Variants in HMOX2 observed in about 807,000 individuals in gnomAD.
HMOX2 encodes heme oxygenase 2.
In HMOX2, 30 loss-of-function variants were observed where a neutral mutation model predicts 33.7. The ratio of observed to expected loss-of-function variants is 0.89; its 90% CI spans 0.67 to 1.21. The LOEUF (loss-of-function observed/expected upper bound fraction) is 1.21. HMOX2 is among the 50% of genes most tolerant of loss of function. The pLI is 0.00. For synonymous variants in HMOX2, 155 were observed against 155.0 expected, an observed-to-expected ratio of 1.00 and a Z score of 0.00; for missense variants, 403 against 399.1, an observed-to-expected ratio of 1.01 and a Z score of -0.08.
At chr16:4,507,660 G>A (rs2058727180) in intron 3 of HMOX2, 53 bp from the exon 4 acceptor site, 1 of 1,576,190 alleles carries the variant, frequency 6.3e-7, no homozygotes, top group Non-Finnish European at 8.6e-7. Flanking sequence ...GCATCCAGCT[G>A]CTCGGATGTG....
intron 1 of HMOX2, among the ~76,000 whole-genome samples, chr16:4,485,264 C>A (rs918989266): frequency 6.6e-6 from 1 of 152,122 alleles, no homozygotes; most frequent in East Asian, 1.9e-4. Context: ...CCATGTCAGG[C>A]CTTTTTCTGA....
intron 1 of HMOX2, among the ~76,000 whole-genome samples, chr16:4,483,163 GTGTGTGTGTGTGTGTGTGTGT>G (rs1295462272): frequency 0.028 from 7 of 246 alleles, no homozygotes; most frequent in African/African-American, 0.073. Context: ...AAACCCTGGT[GTGTGTGTGTGTGTGTGTGTGT>G]GTGTGTGTGT....
chr16:4,506,112 T>C (rs949370736), intron 2 of HMOX2, among the ~76,000 whole-genome samples: 5 of 152,104 alleles, frequency 3.3e-5, no homozygotes, highest in African/African-American at 1.2e-4. Context: ...TAATAATAAA[T>C]TGATTCTCAG....
chr16:4,501,833 G>T (rs183465798), intron 1 of HMOX2, among the ~76,000 whole-genome samples: 7 of 152,262 alleles, frequency 4.6e-5, no homozygotes, highest in Admixed American at 2.0e-4. Flanking sequence ...TTGGACAGTG[G>T]CTAGGCCACA....
chr16:4,478,110 C>A (rs1206347375), intron 1 of HMOX2, among the ~76,000 whole-genome samples: 1 of 152,134 alleles, frequency 6.6e-6, no homozygotes, highest in Non-Finnish European at 1.5e-5. Context: ...CCTCATCTAC[C>A]TGGGGATGTG....
intron 1 of HMOX2, among the ~76,000 whole-genome samples, chr16:4,504,255 G>T (rs1419539953): frequency 6.6e-6 from 1 of 152,136 alleles, no homozygotes. Flanking sequence ...GGATGAACTG[G>T]CCTCAGCACG....
chr16:4,509,296 T>TTCATAACACTGCAC, intron 4 of HMOX2, 116 bp from the exon 5 acceptor site: 1 of 1,343,830 alleles, frequency 7.4e-7, no homozygotes, highest in Admixed American at 2.2e-5. Flanking sequence ...GTTAGCCATG[T>TTCATAACACTGCAC]TCATAACACT....
Position 4,509,962 on chromosome 16 carries a change from C to G in HMOX2, c.*206C>G, listed in dbSNP as rs562251118. On this transcript the variant is annotated 3_prime_UTR_variant, in exon 6 of 6. Coordinates refer to ENST00000570646, the MANE Select transcript of HMOX2 (RefSeq NM_002134.4). The stretch of plus-strand genomic sequence containing the variant: ...ATTCCGCACTGGGCACAGGCCGTCA[C>G]CCTGGGAGCAGTCGGCACAGTGCAG... 253 of 616,188 alleles carry G rather than the reference C, an allele frequency of 4.1e-4. No individual in the cohort carries two copies. Among genetic ancestry groups the G allele is most frequent in the Admixed American group, 6.8e-4 (23 of 33,612 alleles). The allele number at this position is 616,188 out of a possible 1,614,324, so 38.2% of individuals were successfully genotyped here. A position where few individuals can be genotyped will look rare whatever the true frequency, so the allele number is the denominator to read the frequency against.
chr16:4,501,426 A>C (rs922399025), intron 1 of HMOX2, among the ~76,000 whole-genome samples: 4 of 152,168 alleles, frequency 2.6e-5, no homozygotes, highest in African/African-American at 9.7e-5. Flanking sequence ...CTGTTGTTTG[A>C]GCAGTCATGC....
chr16:4,490,258 C>T (rs1422550367), intron 1 of HMOX2, among the ~76,000 whole-genome samples: 1 of 152,088 alleles, frequency 6.6e-6, no homozygotes, highest in African/African-American at 2.4e-5. Context: ...GGAAATATAG[C>T]AAGGAAGAGG....
rs140533981 is a variant in HMOX2, at chr16:4,509,428, A to T, written c.713A>T (p.Asp238Val). The T allele has an allele frequency of 1.8e-5, 29 of 1,613,736 alleles. No homozygotes were observed. The African/African-American group carries it at 3.6e-4, about 20-fold the overall frequency. ...EYNMQIFNEL[D>V]QAGSTLARET... Reference sequence around the variant, plus strand: ...CTCCTGCAGATATTCAATGAACTGGACCAGGCCGGCTCCACACTGGCCAGA... The same window carrying T: ...CTCCTGCAGATATTCAATGAACTGGTCCAGGCCGGCTCCACACTGGCCAGA... Residue 238 changes from aspartate (D) to valine (V), a missense_variant, in exon 5 of 6, where the codon GAC becomes GTC. Physicochemically the swap from Asp to Val is radical, Grantham distance 152. Transcript: ENST00000570646.
chr16:4,505,917 G>C (rs1235571654), intron 2 of HMOX2, among the ~76,000 whole-genome samples: 1 of 152,140 alleles, frequency 6.6e-6, no homozygotes, highest in Non-Finnish European at 1.5e-5. Context: ...CTGAGAAAGG[G>C]TAAACGCAGG....
In HMOX2 at chr16:4,508,156, A is replaced by G; in HGVS notation, c.648A>G (p.Lys216=). 6.2e-7 allele frequency: 1 copy of G among 1,613,766 alleles called. No homozygotes were observed. Among genetic ancestry groups the G allele is most frequent in the Non-Finnish European group, 8.5e-7 (1 of 1,179,850 alleles). ...MNALDLNMKT[K]ERIVEEANKA... ...CCCTGGACCTGAACATGAAGACCAA[A>G]GAGAGGATCGTGGAGGAGGCCAACA... The change falls in exon 4 of 6, where the codon AAA becomes AAG. Residue 216 remains lysine, a synonymous_variant. Coordinates refer to ENST00000570646, the MANE Select transcript of HMOX2 (RefSeq NM_002134.4).
chr16:4,498,396 T>C lies in HMOX2; in HGVS notation c.-41-7088T>C, dbSNP rs530583000. Among the ~76,000 whole-genome samples, 18 of 151,704 alleles carry C rather than the reference T, an allele frequency of 1.2e-4. 1 individual carries two copies. The highest frequency in any genetic ancestry group is 3.4e-3 in the Middle Eastern group (1 of 294). ...CAGTCTTAACTTGCTCTTTTTTTTT[T>C]TTTGCATCTCACTCCCTTGCCAGGC... On this transcript the variant is annotated intron_variant, in intron 1 of 5. Coordinates refer to ENST00000570646, the MANE Select transcript of HMOX2 (RefSeq NM_002134.4).
At position 4,509,939 on chromosome 16, in the gene HMOX2, T is replaced by C; in HGVS notation, c.*183T>C. 3.0e-6 allele frequency: 2 copies of C among 675,724 alleles called. No individual in the cohort carries two copies. Among genetic ancestry groups the C allele is most frequent in the Non-Finnish European group, 4.9e-6 (2 of 405,010 alleles). The allele number at this position is 675,724 out of a possible 1,614,324, so 41.9% of individuals were successfully genotyped here. On this transcript the variant is annotated 3_prime_UTR_variant, in exon 6 of 6. Transcript: ENST00000570646. ...ACAGCATCCTCTCTATGGGCCATAT[T>C]CCGCACTGGGCACAGGCCGTCACCC...
intron 1 of HMOX2, among the ~76,000 whole-genome samples, chr16:4,478,427 C>T (rs2057928122): frequency 6.6e-6 from 1 of 152,108 alleles, no homozygotes. Flanking sequence ...ACTGGAATAT[C>T]ACTCCTCCAG....
intron 2 of HMOX2, 103 bp from the exon 3 acceptor site, chr16:4,506,792 C>T (rs1038346757): frequency 2.3e-5 from 18 of 788,664 alleles, no homozygotes; most frequent in African/African-American, 6.9e-5. Context: ...TCCAGTACAA[C>T]AGGTGGTCAC....
intron 1 of HMOX2, chr16:4,483,624 T>C (rs2058088032): frequency 6.6e-6 from 1 of 152,222 alleles, no homozygotes; most frequent in African/African-American, 2.4e-5. Context: ...TGTTTGTTTG[T>C]GTTTTGAGAC....
rs1035745886 is a variant in HMOX2, at chr16:4,493,655, T to G, written c.-41-11829T>G. 2.6e-5 allele frequency among the ~76,000 whole-genome samples: 4 copies of G among 152,238 alleles called. No individual in the cohort carries two copies. In the East Asian group the frequency reaches 7.7e-4, roughly 29 times the overall value. ...TGTGGCCAGTAGATTCTCTCATGGC[T>G]AGGCTCATCTTAATTAACATTTGTT... On this transcript the variant is annotated intron_variant, in intron 1 of 5. Coordinates refer to ENST00000570646, the MANE Select transcript of HMOX2 (RefSeq NM_002134.4).
Sources: allele counts gnomAD v4.1 joint callset (sites outside exome capture counted in the v4.1 genomes callset), GRCh38; gene constraint gnomAD v4.1.1; transcripts MANE v1.5; gene names NCBI Gene and HGNC (gene_info 2026-07-23, HGNC 2026-07-21).